The following GDA variants were observed in gnomAD, a reference collection of about 807,000 sequenced individuals.
GDA encodes the protein guanine deaminase.
Under a neutral mutation model 59.6 loss-of-function variants are expected in GDA, and 18 were observed. The observed-to-expected ratio is 0.30, with a 90% CI of 0.21 to 0.45. The LOEUF (loss-of-function observed/expected upper bound fraction) is 0.45. GDA is among the 20% of genes least tolerant of loss of function. The probability of loss-of-function intolerance (pLI) is 1.00; values close to 1 mark genes in which losing one functional copy is unlikely to be tolerated. For missense variants in GDA, 427 were observed against 552.3 expected (o/e 0.77, Z 2.27); for synonymous variants, 201 against 201.1 (o/e 1.00, Z 0.00).
chr9:72,128,231 C>T (rs1366417253), intron 1 of GDA, among the ~76,000 whole-genome samples: 1 of 152,134 alleles, frequency 6.6e-6, no homozygotes, highest in Non-Finnish European at 1.5e-5. Context: ...ATAAAGCTAC[C>T]TCCATATCTT....
intron 1 of GDA, among the ~76,000 whole-genome samples, chr9:72,135,497 A>C (rs1826187925): frequency 6.6e-6 from 1 of 152,162 alleles, no homozygotes; most frequent in Admixed American, 6.5e-5. Context: ...GCTTTGTCTG[A>C]TTCCAAATCC....
Position 72,247,520 on chromosome 9 carries a change from C to T in GDA, c.1294+87C>T, listed in dbSNP as rs182462834. ...GGTATGGCTCTATGTATTTATCCTA[C>T]CATATATTAAACTCTGTGGATGATA... On this transcript the variant is annotated intron_variant, in intron 13 of 13. Transcript: ENST00000358399. The T allele has an allele frequency of 2.4e-4, 178 of 737,640 alleles. 2 individuals are homozygous for T. The African/African-American group carries it at 2.8e-3, about 12-fold the overall frequency. The allele number at this position is 737,640 out of a possible 1,614,324, so 45.7% of individuals were successfully genotyped here.
intron 1 of GDA, among the ~76,000 whole-genome samples, chr9:72,141,001 A>G (rs549007242): frequency 3.3e-5 from 5 of 152,160 alleles, no homozygotes; most frequent in South Asian, 4.2e-4. Flanking sequence ...TCCCAATCAC[A>G]TGTTTTTCAT....
chr9:72,149,526 G>T lies in GDA; in HGVS notation c.-34G>T. ...CGTCTCCGCCGCGTGCGCCCTCCTCGACCAGCAGACCCGCGCTGCGCTCCG... is the reference window on the plus strand; with the variant it reads ...CGTCTCCGCCGCGTGCGCCCTCCTCTACCAGCAGACCCGCGCTGCGCTCCG... On this transcript the variant is annotated 5_prime_UTR_variant, in exon 1 of 14. Coordinates refer to ENST00000358399, the MANE Select transcript of GDA (RefSeq NM_004293.5). 1.9e-6 allele frequency: 3 copies of T among 1,605,118 alleles called. No homozygotes were observed. Among genetic ancestry groups the T allele is most frequent in the South Asian group, 1.1e-5 (1 of 90,662 alleles).
intron 10 of GDA, among the ~76,000 whole-genome samples, chr9:72,236,378 G>A (rs1838988794): frequency 6.6e-6 from 1 of 152,174 alleles, no homozygotes; most frequent in Non-Finnish European, 1.5e-5. Context: ...TTCCAAGACA[G>A]CGTTTTCTCA....
rs1306534012 is a variant in GDA, at chr9:72,249,334, T to G, written c.*992T>G. 3.1e-6 allele frequency: 3 copies of G among 978,140 alleles called. No homozygotes were observed. In the African/African-American group the frequency reaches 5.3e-5, roughly 17 times the overall value. 60.6% of individuals were successfully genotyped at this position (978,140 alleles called of 1,614,324 possible). On this transcript the variant is annotated 3_prime_UTR_variant, in exon 14 of 14. Coordinates refer to ENST00000358399, the MANE Select transcript of GDA (RefSeq NM_004293.5). Reference sequence around the variant, plus strand: ...GTTGTAGTTTCTGGAAATTCCATACTCAGATATCAGTCTGCTAGAACTTTA... The same window carrying G: ...GTTGTAGTTTCTGGAAATTCCATACGCAGATATCAGTCTGCTAGAACTTTA...
chr9:72,256,912 C>T (rs1488803182), downstream of GDA: 1 of 152,274 alleles, frequency 6.6e-6, no homozygotes, highest in Non-Finnish European at 1.5e-5. Context: ...GCACCAGGCT[C>T]ACTGAGTGCA....
At chr9:72,257,431 T>C (rs1840899121), downstream of GDA, 1 of 152,308 alleles carries the variant, frequency 6.6e-6, no homozygotes, top group Middle Eastern at 3.4e-3. Context: ...AGAGATAGGA[T>C]ATAAACTTTG....
intron 9 of GDA, among the ~76,000 whole-genome samples, chr9:72,230,847 CCATA>C (rs750940716): frequency 1.3e-5 from 2 of 152,010 alleles, no homozygotes; most frequent in East Asian, 1.9e-4. Flanking sequence ...CATTTTTTTC[CCATA>C]CAAACGATCC....
chr9:72,188,517 G>T (rs138936259), intron 1 of GDA, among the ~76,000 whole-genome samples: 1 of 152,254 alleles, frequency 6.6e-6, no homozygotes, highest in African/African-American at 2.4e-5. Context: ...TGTTAAGTTT[G>T]CAGGCATGCA....
In GDA at chr9:72,249,108, G is replaced by C; in HGVS notation, c.*766G>C. Reference sequence around the variant, plus strand: ...ATGTAACTCCATGGCATAAATAGTTGTATTTTTGTGTACTTTAAAATCAAC... The same window carrying C: ...ATGTAACTCCATGGCATAAATAGTTCTATTTTTGTGTACTTTAAAATCAAC... On this transcript the variant is annotated 3_prime_UTR_variant, in exon 14 of 14. Transcript: ENST00000358399. 1.0e-6 allele frequency: 1 copy of C among 975,488 alleles called. No individual in the cohort carries two copies. The highest frequency in any genetic ancestry group is 1.8e-5 in the African/African-American group (1 of 57,132). 60.4% of individuals were successfully genotyped at this position (975,488 alleles called of 1,614,324 possible).
chr9:72,214,728 T>G, intron 5 of GDA: 1 of 349,790 alleles, frequency 2.9e-6, no homozygotes, highest in Non-Finnish European at 5.4e-6. Flanking sequence ...GTTCTTTTTT[T>G]TTTTTCTTTT....
In GDA at chr9:72,117,895, G is replaced by A. The variant is rs139054729; in HGVS notation, c.-100+3062G>A. 6.9e-3 allele frequency among the ~76,000 whole-genome samples: 1,051 copies of A among 152,232 alleles called. 14 individuals are homozygous for A. Among genetic ancestry groups the A allele is most frequent in the African/African-American group, 0.024 (992 of 41,536 alleles). ...ACAGTCACTGAGGTCAGCTACTCCG[G>A]GATAATTCTAGGGGTCTTTGTACTG... On this transcript the variant is annotated intron_variant, in intron 1 of 13. Transcript: ENST00000545168.
Position 72,149,719 on chromosome 9 carries a change from G to A in GDA, c.123+37G>A, listed in dbSNP as rs1457869076. 11 of 1,562,988 alleles carry A rather than the reference G, an allele frequency of 7.0e-6. No individual in the cohort carries two copies. The East Asian group carries it at 2.2e-4, about 32-fold the overall frequency. ...CGGGGTCGAGCGCACTCCGACGGGC[G>A]GGAGGATAGGTGCAAGGAACCTGGC... On this transcript the variant is annotated intron_variant, in intron 1 of 13. Coordinates refer to ENST00000358399, the MANE Select transcript of GDA (RefSeq NM_004293.5).
intron 1 of GDA, among the ~76,000 whole-genome samples, chr9:72,189,739 A>G (rs903858896): frequency 2.0e-5 from 3 of 152,072 alleles, no homozygotes; most frequent in Non-Finnish European, 4.4e-5. Context: ...TACTCTGGAG[A>G]CTTAGATGGG....
At chr9:72,191,120 A>G (rs1183347547) in intron 1 of GDA, among the ~76,000 whole-genome samples, 1 of 152,236 alleles carries the variant, frequency 6.6e-6, no homozygotes, top group Non-Finnish European at 1.5e-5. Context: ...ATGATCTGTC[A>G]ATTGATAAGC....
rs147589244 is a variant in GDA at position 72,223,151 on chromosome 9, G to A, written c.638G>A (p.Arg213His). 1.6e-4 allele frequency: 262 copies of A among 1,610,806 alleles called. 1 individual carries two copies. In the South Asian group the frequency reaches 1.8e-3, roughly 11 times the overall value. The change falls in exon 7 of 14, where the codon CGT becomes CAT. Residue 213 changes from arginine (R) to histidine (H), a missense_variant. Arg to His is a conservative substitution (Grantham distance 29). Coordinates refer to ENST00000358399, the MANE Select transcript of GDA (RefSeq NM_004293.5). ...YSRVKPIVTPRFSLSCSETLM... is the reference protein window; with the variant it reads ...YSRVKPIVTPHFSLSCSETLM... ...AGAGTGAAGCCCATAGTGACACCAC[G>A]TTTTTCCCTCTCCTGCTCTGAGACT...
intron 1 of GDA, among the ~76,000 whole-genome samples, chr9:72,124,715 C>T (rs1400233698): frequency 4.0e-5 from 6 of 151,782 alleles, no homozygotes; most frequent in Admixed American, 3.9e-4. Context: ...GACAGTGTTG[C>T]TTAGTATGTT....
At chr9:72,191,772 G>C (rs1188709214) in intron 1 of GDA, among the ~76,000 whole-genome samples, 2 of 152,084 alleles carry the variant, frequency 1.3e-5, no homozygotes, top group African/African-American at 4.8e-5. Context: ...TTTTTTAGTA[G>C]AGATGGGGTT....
Sources: gnomAD v4.1 joint callset for allele counts (sites outside exome capture counted in the v4.1 genomes callset) on GRCh38, gnomAD v4.1.1 for gene constraint, MANE v1.5 for transcripts, NCBI Gene and HGNC (gene_info 2026-07-23, HGNC 2026-07-21) for gene names.